The following NRG3 variants were observed in gnomAD, a reference collection of about 807,000 sequenced individuals.
NRG3 encodes the protein pro-neuregulin-3, membrane-bound isoform.
NRG3 carries 31 observed loss-of-function variants against 66.9 expected under a neutral mutation model. That is an observed-to-expected ratio of 0.46 (90% CI 0.35 to 0.63). NRG3 has a LOEUF of 0.63. Among genes scored for constraint, NRG3 ranks in the 20% least tolerant of loss-of-function variants. NRG3 has a pLI of 0.00. For missense variants in NRG3, 910 were observed against 878.9 expected (o/e 1.04, Z -0.45); for synonymous variants, 393 against 359.4 (o/e 1.09, Z -1.06).
intron 1 of NRG3, among the ~76,000 whole-genome samples, chr10:82,203,213 A>T (rs931793253): frequency 6.6e-6 from 1 of 152,170 alleles, no homozygotes; most frequent in African/African-American, 2.4e-5. Context: ...AAAATTTCAG[A>T]TTAAATCAGT....
At chr10:82,217,939 A>T (rs1336298) in intron 1 of NRG3, among the ~76,000 whole-genome samples, 16,874 of 151,964 alleles carry the variant, frequency 0.11, 1,051 homozygotes, top group Middle Eastern at 0.19. Context: ...CACTATGAAT[A>T]TTTTTTTCTA....
chr10:82,286,977 G>A (rs1204831203), intron 1 of NRG3, among the ~76,000 whole-genome samples: 1 of 152,198 alleles, frequency 6.6e-6, no homozygotes, highest in African/African-American at 2.4e-5. Flanking sequence ...GGGACTCAGG[G>A]TGTGGCACCT....
intron 1 of NRG3, among the ~76,000 whole-genome samples, chr10:82,189,329 T>G (rs1433975010): frequency 6.6e-6 from 1 of 152,150 alleles, no homozygotes; most frequent in East Asian, 1.9e-4. Flanking sequence ...TCTTTTCTAG[T>G]TTCCTTAATA....
intron 1 of NRG3, among the ~76,000 whole-genome samples, chr10:82,287,381 G>T (rs1350653034): frequency 6.6e-6 from 1 of 151,804 alleles, no homozygotes; most frequent in African/African-American, 2.4e-5. Context: ...GCTGATGCCA[G>T]TACCATGCTT....
chr10:82,519,718 T>C (rs1481055130), intron 2 of NRG3, among the ~76,000 whole-genome samples: 1 of 152,190 alleles, frequency 6.6e-6, no homozygotes, highest in Non-Finnish European at 1.5e-5. Flanking sequence ...AATAATTTTG[T>C]TATTATTTTA....
intron 1 of NRG3, among the ~76,000 whole-genome samples, chr10:82,110,971 A>C (rs572853263): frequency 6.6e-6 from 1 of 152,202 alleles, no homozygotes; most frequent in Non-Finnish European, 1.5e-5. Context: ...GCTAACAAAG[A>C]TGTTACCAAA....
intron 2 of NRG3, among the ~76,000 whole-genome samples, chr10:82,589,463 C>T (rs926147391): frequency 2.0e-5 from 3 of 152,142 alleles, no homozygotes; most frequent in Non-Finnish European, 4.4e-5. Context: ...TCCTGATTCT[C>T]ATAATGAGTC....
intron 6 of NRG3, among the ~76,000 whole-genome samples, chr10:82,963,738 A>G (rs907917017): frequency 6.6e-6 from 1 of 152,220 alleles, no homozygotes; most frequent in African/African-American, 2.4e-5. Flanking sequence ...TGGCTTATCC[A>G]TGGTTCTTTT....
intron 2 of NRG3, among the ~76,000 whole-genome samples, chr10:82,653,804 G>A (rs904407237): frequency 2.0e-5 from 3 of 152,152 alleles, no homozygotes; most frequent in Non-Finnish European, 2.9e-5. Flanking sequence ...CCATAAGAGC[G>A]AGGGCCTCAT....
intron 3 of NRG3, among the ~76,000 whole-genome samples, chr10:82,800,984 T>C (rs943997263): frequency 1.3e-5 from 2 of 152,138 alleles, no homozygotes; most frequent in Non-Finnish European, 2.9e-5. Context: ...GGGAAAGAAT[T>C]GAATTCTTCT....
chr10:82,621,135 A>T (rs1231700694), intron 2 of NRG3, among the ~76,000 whole-genome samples: 1 of 152,182 alleles, frequency 6.6e-6, no homozygotes, highest in African/African-American at 2.4e-5. Context: ...TTCAATGTGT[A>T]AATTAAAAGA....
chr10:82,929,322 A>T (rs1471297554), intron 4 of NRG3, among the ~76,000 whole-genome samples: 3 of 152,010 alleles, frequency 2.0e-5, no homozygotes, highest in Non-Finnish European at 4.4e-5. Flanking sequence ...GCTTTGAGCC[A>T]CTCTATCTAA....
intron 1 of NRG3, among the ~76,000 whole-genome samples, chr10:82,077,794 CTA>C (rs1406198803): frequency 6.6e-6 from 1 of 152,116 alleles, no homozygotes; most frequent in Non-Finnish European, 1.5e-5. Flanking sequence ...TTTATTGAGA[CTA>C]TGTATTTAGA....
At chr10:82,954,177 T>C (rs1486975105) in intron 5 of NRG3, among the ~76,000 whole-genome samples, 1 of 151,906 alleles carries the variant, frequency 6.6e-6, no homozygotes, top group Non-Finnish European at 1.5e-5. Context: ...TAGAGCTTTG[T>C]ACAAGAAAGA....
At chr10:82,232,765 A>C in intron 1 of NRG3, 1 of 717,356 alleles carries the variant, frequency 1.4e-6, no homozygotes, top group Non-Finnish European at 2.6e-6. Flanking sequence ...GAGGCATGCC[A>C]TACATGGCAA....
intron 2 of NRG3, among the ~76,000 whole-genome samples, chr10:82,695,690 A>C (rs2055324527): frequency 6.6e-6 from 1 of 152,178 alleles, no homozygotes; most frequent in South Asian, 2.1e-4. Flanking sequence ...AGGAAAATAA[A>C]GATATTTTAT....
intron 1 of NRG3, among the ~76,000 whole-genome samples, chr10:81,923,363 G>A (rs1327165780): frequency 8.5e-5 from 13 of 152,130 alleles, no homozygotes; most frequent in African/African-American, 2.9e-4. Flanking sequence ...CCGCCACCGC[G>A]CCCGGCTAAT....
At chr10:82,816,426 G>A (rs1030467800) in intron 3 of NRG3, among the ~76,000 whole-genome samples, 2 of 152,132 alleles carry the variant, frequency 1.3e-5, no homozygotes, top group Admixed American at 1.3e-4. Context: ...ACCCAAAGTG[G>A]GTAGCTACTT....
chr10:82,398,595 C>A (rs2086881365), intron 2 of NRG3, among the ~76,000 whole-genome samples: 1 of 151,222 alleles, frequency 6.6e-6, no homozygotes, highest in South Asian at 2.1e-4. Flanking sequence ...TTAACAAGTT[C>A]TTTTGTTTCC....
Sources: allele counts gnomAD v4.1 joint callset (sites outside exome capture counted in the v4.1 genomes callset), GRCh38; gene constraint gnomAD v4.1.1; transcripts MANE v1.5; gene names NCBI Gene and HGNC (gene_info 2026-07-23, HGNC 2026-07-21).